The following KLHL1 variants were observed in gnomAD, a reference collection of about 807,000 sequenced individuals.
KLHL1 encodes the protein kelch like family member 1.
Under a neutral mutation model 77.7 loss-of-function variants are expected in KLHL1, and 47 were observed. The ratio of observed to expected loss-of-function variants is 0.60; its 90% confidence interval spans 0.48 to 0.77. KLHL1 has a LOEUF of 0.77. Ranked by LOEUF, KLHL1 falls within the 30% of genes least tolerant of loss-of-function variation. KLHL1 has a pLI of 0.00. For missense variants in KLHL1, 925 were observed against 910.8 expected (o/e 1.02, Z -0.20); for synonymous variants, 360 against 325.2 (o/e 1.11, Z -1.15).
At chr13:69,771,276 C>CAAAAAAA (rs59252203) in intron 7 of KLHL1, among the ~76,000 whole-genome samples, 4 of 128,058 alleles carry the variant, frequency 3.1e-5, no homozygotes, top group African/African-American at 8.4e-5. Context: ...TAGCAACTTT[C>CAAAAAAA]AAAAAAAAAA....
rs371245953 is a variant in KLHL1, at chr13:69,889,416, T to C, written c.1015-6921A>G. Among the ~76,000 whole-genome samples the C allele has an allele frequency of 5.3e-5, 8 of 152,072 alleles. No homozygotes were observed. In the East Asian group the frequency reaches 1.5e-3, roughly 29 times the overall value. On this transcript the variant is annotated intron_variant, in intron 4 of 10. Transcript: ENST00000377844. The stretch of plus-strand genomic sequence containing the variant: ...CATATAGTCATACTCATGGTCAAGA[T>C]AAGGCTAGGATTAGAAACTCAGCTT...
At chr13:69,842,200 T>C (rs1008333380) in intron 5 of KLHL1, among the ~76,000 whole-genome samples, 7 of 151,564 alleles carry the variant, frequency 4.6e-5, no homozygotes, top group East Asian at 2.0e-4. Context: ...AATGGGACTA[T>C]ATCAAATTAA....
At chr13:69,881,873 A>C (rs1441963245) in intron 5 of KLHL1, among the ~76,000 whole-genome samples, 1 of 152,124 alleles carries the variant, frequency 6.6e-6, no homozygotes, top group African/African-American at 2.4e-5. Flanking sequence ...CACACAATAT[A>C]TGCATTTACA....
At chr13:69,983,200 G>T (rs1865362015) in intron 1 of KLHL1, among the ~76,000 whole-genome samples, 1 of 151,990 alleles carries the variant, frequency 6.6e-6, no homozygotes, top group African/African-American at 2.4e-5. Context: ...AATTGAAGAG[G>T]ATATTAATAA....
chr13:70,006,260 C>CCAT (rs1885402329), intron 1 of KLHL1, among the ~76,000 whole-genome samples: 1 of 151,838 alleles, frequency 6.6e-6, no homozygotes, highest in East Asian at 1.9e-4. Flanking sequence ...TATCTATTTG[C>CCAT]TTATAGATGG....
intron 5 of KLHL1, among the ~76,000 whole-genome samples, chr13:69,845,761 G>A (rs1879436201): frequency 6.6e-6 from 1 of 151,366 alleles, no homozygotes; most frequent in South Asian, 2.1e-4. Flanking sequence ...AAAATATCTT[G>A]AAATCATGTG....
At chr13:69,931,251 C>T (rs770082417) in intron 4 of KLHL1, among the ~76,000 whole-genome samples, 2 of 151,732 alleles carry the variant, frequency 1.3e-5, no homozygotes, top group Non-Finnish European at 3.0e-5. Context: ...AATATTTACT[C>T]AGTGTTAAAT....
chr13:70,009,735 A>C (rs1212644080), intron 1 of KLHL1, among the ~76,000 whole-genome samples: 1 of 152,202 alleles, frequency 6.6e-6, no homozygotes, highest in East Asian at 1.9e-4. Flanking sequence ...ATTGCTATTC[A>C]TTAATCCATT....
At chr13:70,105,641 C>A (rs1010345413) in intron 1 of KLHL1, among the ~76,000 whole-genome samples, 12 of 150,870 alleles carry the variant, frequency 8.0e-5, no homozygotes, top group Non-Finnish European at 1.8e-4. Flanking sequence ...ATAATTCCTC[C>A]CAAAAAGTGT....
chr13:69,877,473 A>ATT (rs148676834), intron 5 of KLHL1, among the ~76,000 whole-genome samples: 1 of 149,370 alleles, frequency 6.7e-6, no homozygotes, highest in African/African-American at 2.5e-5. Context: ...ATATATATAT[A>ATT]TTTTTTTTTC....
chr13:69,727,475 G>A (rs1180693391), intron 8 of KLHL1, among the ~76,000 whole-genome samples: 1 of 152,112 alleles, frequency 6.6e-6, no homozygotes, highest in Non-Finnish European at 1.5e-5. Context: ...AAGGCAAAGG[G>A]GTGTGGACAA....
chr13:69,729,514 G>C (rs1218037529), intron 8 of KLHL1, among the ~76,000 whole-genome samples: 2 of 150,818 alleles, frequency 1.3e-5, no homozygotes, highest in Non-Finnish European at 2.9e-5. Context: ...AGCAAAACAA[G>C]GGGAAAAAAT....
At chr13:70,015,248 A>G (rs895998282) in intron 1 of KLHL1, among the ~76,000 whole-genome samples, 2 of 152,188 alleles carry the variant, frequency 1.3e-5, no homozygotes, top group African/African-American at 4.8e-5. Context: ...ACACCTAGAC[A>G]TATGATATAA....
At chr13:69,907,630 A>T (rs1673577152) in intron 4 of KLHL1, among the ~76,000 whole-genome samples, 1 of 151,992 alleles carries the variant, frequency 6.6e-6, no homozygotes, top group Non-Finnish European at 1.5e-5. Flanking sequence ...TGTGGGAAAA[A>T]TTGGAGAGGA....
At chr13:69,973,954 G>A (rs892309168) in intron 2 of KLHL1, among the ~76,000 whole-genome samples, 2 of 151,934 alleles carry the variant, frequency 1.3e-5, no homozygotes, top group East Asian at 1.9e-4. Flanking sequence ...CTCTTGCCCC[G>A]CTTTAACCAA....
chr13:69,760,031 A>T (rs1247724912), intron 7 of KLHL1, among the ~76,000 whole-genome samples: 1 of 152,190 alleles, frequency 6.6e-6, no homozygotes, highest in Non-Finnish European at 1.5e-5. Flanking sequence ...GTTTTCTTTA[A>T]ACCTCTTCTT....
intron 4 of KLHL1, among the ~76,000 whole-genome samples, chr13:69,934,951 T>TGC (rs1320452206): frequency 7.9e-6 from 1 of 126,494 alleles, no homozygotes; most frequent in Non-Finnish European, 1.7e-5. Context: ...TTACCGTGTG[T>TGC]GTGTGCATGT....
intron 8 of KLHL1, among the ~76,000 whole-genome samples, chr13:69,733,051 T>C (rs1873619207): frequency 6.6e-6 from 1 of 152,180 alleles, no homozygotes. Flanking sequence ...TTTGGTTAAC[T>C]AGTAAGTTTT....
chr13:70,086,610 GAAAGAAAGAAAGAAAGAAAGAAA>G (rs1360968784), intron 1 of KLHL1, among the ~76,000 whole-genome samples: 1 of 64,614 alleles, frequency 1.5e-5, no homozygotes, highest in Non-Finnish European at 3.3e-5. Context: ...AAGAAAGAAA[GAAAGAAAGAAAGAAAGAAAGAAA>G]AAAGAAAAAG....
Sources: allele counts gnomAD v4.1 joint callset (sites outside exome capture counted in the v4.1 genomes callset), GRCh38; gene constraint gnomAD v4.1.1; transcripts MANE v1.5; gene names NCBI Gene and HGNC (gene_info 2026-07-23, HGNC 2026-07-21).